COL12A1: variants seen among roughly 807,000 people sequenced by gnomAD.
The protein encoded by COL12A1 is collagen type XII alpha 1 chain.
COL12A1 carries 114 observed loss-of-function variants against 349.7 expected under a neutral mutation model. The observed-to-expected ratio is 0.33, with a 90% CI of 0.28 to 0.38. COL12A1 has a LOEUF of 0.38. Among genes scored for constraint, COL12A1 ranks in the 10% least tolerant of loss-of-function variants. The pLI, the probability that COL12A1 is intolerant of heterozygous loss-of-function variation, is 1.00. For synonymous variants in COL12A1, 1,369 were observed against 1,329.0 expected, an observed-to-expected ratio of 1.03 and a Z score of -0.66; for missense variants, 3,284 against 3,756.9, an observed-to-expected ratio of 0.87 and a Z score of 3.29.
chr6:75,159,671 A>G (rs1767933936), intron 14 of COL12A1, among the ~76,000 whole-genome samples: 1 of 151,662 alleles, frequency 6.6e-6, no homozygotes, highest in Non-Finnish European at 1.5e-5. Context: ...CATCTCTTAA[A>G]TTTTTACTCA....
At chr6:75,102,426 A>G (rs1768346927) in intron 56 of COL12A1, among the ~76,000 whole-genome samples, 171 bp downstream of exon 56, 1 of 152,024 alleles carries the variant, frequency 6.6e-6, no homozygotes, top group Non-Finnish European at 1.5e-5. Flanking sequence ...ATATTATTAC[A>G]TAGTCTATTT....
chr6:75,151,236 T>C lies in COL12A1; in HGVS notation c.4052A>G (p.Asp1351Gly), dbSNP rs1295465247. 6 of 1,613,302 alleles carry C rather than the reference T, an allele frequency of 3.7e-6. No homozygotes were observed. Among genetic ancestry groups the C allele is most frequent in the African/African-American group, 1.3e-5 (1 of 74,878 alleles). ...TGCCACATTGTATGCATGGGTATCA[T>C]CAGGATCAGTTGCAATCATCTTTAA... The part of the protein sequence containing the change: ...VELKMIATDP[D>G]DTHAYNVADF... Residue 1351 changes from aspartate to glycine, a missense_variant, in exon 21 of 66, where the codon GAT becomes GGT. Asp to Gly is a moderately conservative substitution (Grantham distance 94, BLOSUM62 -1). Coordinates refer to ENST00000322507, the MANE Select transcript of COL12A1 (RefSeq NM_004370.6).
Position 75,182,951 on chromosome 6 carries a change from T to C in COL12A1, c.1891+99A>G, listed in dbSNP as rs1769391267. 6 of 1,401,512 alleles carry C rather than the reference T, an allele frequency of 4.3e-6. No homozygotes were observed. The Middle Eastern group carries it at 6.9e-4, about 161-fold the overall frequency. 86.8% of individuals were successfully genotyped at this position (1,401,512 alleles called of 1,614,324 possible). A position where few individuals can be genotyped will look rare whatever the true frequency, so the allele number is the denominator to read the frequency against. On this transcript the variant is annotated intron_variant, in intron 10 of 65. Coordinates refer to ENST00000322507, the MANE Select transcript of COL12A1 (RefSeq NM_004370.6). ...ATAACATAGGAAAGTTACTTTTTCG[T>C]GTCTATAAGAAGAATTGAACAAGCA...
chr6:75,192,313 T>C lies in COL12A1; in HGVS notation c.233A>G (p.Glu78Gly). 6.2e-7 allele frequency: 1 copy of C among 1,612,050 alleles called. No individual in the cohort carries two copies. Among genetic ancestry groups the C allele is most frequent in the South Asian group, 1.1e-5 (1 of 90,960 alleles). Reference sequence around the variant, plus strand: ...AGGTACAAGTTCTGACAATAAAGTTTCAGTGGTACTAGCTGAAAGGGTAAA... The same window carrying C: ...AGGTACAAGTTCTGACAATAAAGTTCCAGTGGTACTAGCTGAAAGGGTAAA... ...KEFTLSASTT[E>G]TLLSELVPET... Residue 78 changes from glutamate (E) to glycine (G), a missense_variant, in exon 4 of 66, where the codon GAA (glutamate) becomes GGA (glycine). Glu to Gly is a moderately conservative substitution (Grantham distance 98). Transcript: ENST00000322507.
At chr6:75,160,333 A>G (rs1767973932) in intron 14 of COL12A1, among the ~76,000 whole-genome samples, 1 of 152,152 alleles carries the variant, frequency 6.6e-6, no homozygotes, top group Admixed American at 6.5e-5. Context: ...GTTTCATTGT[A>G]TCAACAGTCT....
At chr6:75,204,298 C>T (rs945160486) in intron 1 of COL12A1, among the ~76,000 whole-genome samples, 43 of 152,072 alleles carry the variant, frequency 2.8e-4, no homozygotes, top group African/African-American at 8.9e-4. Context: ...CAGTCGTGCT[C>T]GCGAGAAGTT....
At chr6:75,150,859 G>A (rs1767443523) in intron 21 of COL12A1, among the ~76,000 whole-genome samples, 1 of 152,084 alleles carries the variant, frequency 6.6e-6, no homozygotes, top group Admixed American at 6.6e-5. Flanking sequence ...AGTCATTGAG[G>A]TGCCATCACG....
chr6:75,147,817 A>T lies in COL12A1; in HGVS notation c.4288-13T>A, dbSNP rs1049825469. On this transcript the variant is annotated splice_polypyrimidine_tract_variant and intron_variant, in intron 22 of 65. Coordinates refer to ENST00000322507, the MANE Select transcript of COL12A1 (RefSeq NM_004370.6). ...GACTCACATAAAACTAGGGGGAAAAATTAAACAGAGCAACAACGTATGTAT... is the reference window on the plus strand; with the variant it reads ...GACTCACATAAAACTAGGGGGAAAATTTAAACAGAGCAACAACGTATGTAT... 2.5e-6 allele frequency: 4 copies of T among 1,611,304 alleles called. No individual in the cohort carries two copies. The highest frequency in any genetic ancestry group is 2.5e-6 in the Non-Finnish European group (3 of 1,179,024).
chr6:75,183,735 C>G (rs1769458057), intron 9 of COL12A1, 83 bp from the exon 10 acceptor site: 1 of 1,412,840 alleles, frequency 7.1e-7, no homozygotes, highest in African/African-American at 2.4e-5. Flanking sequence ...AGTAAGCGTG[C>G]TTCTTTAAAA....
At chr6:75,161,019 T>G (rs533200142) in intron 14 of COL12A1, among the ~76,000 whole-genome samples, 3 of 152,276 alleles carry the variant, frequency 2.0e-5, no homozygotes, top group Non-Finnish European at 4.4e-5. Flanking sequence ...AGGGTCACAG[T>G]GGACACAGCC....
chr6:75,105,731 C>T (rs1286236208), intron 53 of COL12A1, among the ~76,000 whole-genome samples: 2 of 152,162 alleles, frequency 1.3e-5, no homozygotes, highest in East Asian at 3.9e-4. Context: ...CTGTCTGTCC[C>T]TTTGCCCTGA....
chr6:75,139,093 A>G, intron 27 of COL12A1, 132 bp from the exon 28 acceptor site: 1 of 936,814 alleles, frequency 1.1e-6, no homozygotes, highest in South Asian at 1.8e-5. Flanking sequence ...TTAGAACCAA[A>G]TATTTCACCA....
At chr6:75,199,724 T>A (rs1449921992) in intron 2 of COL12A1, among the ~76,000 whole-genome samples, 1 of 152,180 alleles carries the variant, frequency 6.6e-6, no homozygotes. Context: ...ATGCGGTTGA[T>A]AAAGTCTCTG....
At chr6:75,091,206 C>T (rs746233474) in intron 62 of COL12A1, 117 bp downstream of exon 62, 110 of 791,130 alleles carry the variant, frequency 1.4e-4, no homozygotes, top group Admixed American at 2.9e-4. Context: ...AGAACAAAAG[C>T]TTATCAAATG....
chr6:75,164,612 A>C (rs1471524503), intron 14 of COL12A1, among the ~76,000 whole-genome samples: 2 of 152,172 alleles, frequency 1.3e-5, no homozygotes, highest in Non-Finnish European at 2.9e-5. Context: ...ACAGAGATTG[A>C]GCAGAAGGTA....
Position 75,155,813 on chromosome 6 carries a change from G to T in COL12A1, c.3292C>A (p.Pro1098Thr), listed in dbSNP as rs759702498. The change falls in exon 16 of 66, where the codon CCA becomes ACA. Residue 1098 changes from proline to threonine, a missense_variant. By Grantham distance (38) the Pro-to-Thr change is conservative. Coordinates refer to ENST00000322507, the MANE Select transcript of COL12A1 (RefSeq NM_004370.6). Reference sequence around the variant, plus strand: ...GTCACTCGGAAGCTTGACATGGTTGGGTCAGATGTTTTGAGGTTTCTAGGA... The same window carrying T: ...GTCACTCGGAAGCTTGACATGGTTGTGTCAGATGTTTTGAGGTTTCTAGGA... ...KSPRNLKTSDPTMSSFRVTWE... is the reference protein window; with the variant it reads ...KSPRNLKTSDTTMSSFRVTWE... 1.9e-6 allele frequency: 3 copies of T among 1,611,550 alleles called. No individual in the cohort carries two copies. The highest frequency in any genetic ancestry group is 1.3e-5 in the African/African-American group (1 of 74,692).
At chr6:75,108,952 T>C in intron 52 of COL12A1, 66 bp downstream of exon 52, 1 of 1,487,954 alleles carries the variant, frequency 6.7e-7, no homozygotes, top group Non-Finnish European at 9.2e-7. Context: ...CTCAAGGAGT[T>C]GTTTAGAAAA....
intron 47 of COL12A1, 68 bp from the exon 48 acceptor site, chr6:75,116,125 G>A: frequency 7.0e-7 from 1 of 1,437,216 alleles, no homozygotes; most frequent in Admixed American, 1.8e-5. Flanking sequence ...TGCACAGAAA[G>A]TAGCAATGAA....
intron 58 of COL12A1, 26 bp from the exon 59 acceptor site, chr6:75,097,332 A>C (rs1186008062): frequency 6.3e-7 from 1 of 1,598,306 alleles, no homozygotes; most frequent in South Asian, 1.1e-5. Context: ...AAGTAATTAC[A>C]GTTAGGGAGG....
Sources: gnomAD v4.1 joint callset for allele counts (sites outside exome capture counted in the v4.1 genomes callset) on GRCh38, gnomAD v4.1.1 for gene constraint, MANE v1.5 for transcripts, NCBI Gene and HGNC (gene_info 2026-07-23, HGNC 2026-07-21) for gene names.